The following GRID2 variants were observed in gnomAD, a reference collection of about 807,000 sequenced individuals.
The protein encoded by GRID2 is glutamate receptor ionotropic, delta-2.
GRID2 carries 33 observed loss-of-function variants against 114.8 expected under a neutral mutation model. That is an observed-to-expected ratio of 0.29 (90% CI 0.22 to 0.38). The LOEUF (loss-of-function observed/expected upper bound fraction) is 0.38. Ranked by LOEUF, GRID2 falls within the 10% of genes least tolerant of loss-of-function variation. The pLI, the probability that GRID2 is intolerant of heterozygous loss-of-function variation, is 1.00. For synonymous variants in GRID2, 505 were observed against 449.9 expected (o/e 1.12, Z -1.55); for missense variants, 1,184 against 1,257.7 (o/e 0.94, Z 0.89).
intron 1 of GRID2, among the ~76,000 whole-genome samples, chr4:92,501,429 A>G (rs1274135692): frequency 6.6e-6 from 1 of 152,202 alleles, no homozygotes; most frequent in Non-Finnish European, 1.5e-5. Flanking sequence ...CAATGTGCCC[A>G]CAAAACAGGG....
rs770149406 is a variant in GRID2 at position 92,576,766 on chromosome 4, G to A, written c.89-13365G>A. Among the ~76,000 whole-genome samples, 102 of 152,212 alleles carry A rather than the reference G, an allele frequency of 6.7e-4. 1 individual carries two copies. Among genetic ancestry groups the A allele is most frequent in the Non-Finnish European group, 1.0e-3 (71 of 68,006 alleles). ...TCCTGGGATCACACAATCACTCATC[G>A]CTTCCCTTAGCTGGTATTGGAGATC... On this transcript the variant is annotated intron_variant, in intron 1 of 15. Coordinates refer to ENST00000282020, the MANE Select transcript of GRID2 (RefSeq NM_001510.4).
chr4:93,278,348 C>G (rs1026750264), intron 8 of GRID2, among the ~76,000 whole-genome samples: 1 of 151,194 alleles, frequency 6.6e-6, no homozygotes, highest in Admixed American at 6.6e-5. Flanking sequence ...GTGAGACTGG[C>G]GCTTGAAGGC....
chr4:93,326,490 T>C (rs924715689), intron 8 of GRID2, among the ~76,000 whole-genome samples: 12 of 152,072 alleles, frequency 7.9e-5, no homozygotes, highest in African/African-American at 2.9e-4. Flanking sequence ...AATCTAAAAA[T>C]TGAGCTTTTA....
intron 2 of GRID2, among the ~76,000 whole-genome samples, chr4:92,975,973 T>G (rs1283496129): frequency 1.3e-5 from 2 of 152,138 alleles, no homozygotes; most frequent in Admixed American, 6.5e-5. Flanking sequence ...GTGTCTTTGT[T>G]GTACTCATTG....
chr4:93,313,773 C>G (rs544292055), intron 8 of GRID2, among the ~76,000 whole-genome samples: 15 of 152,066 alleles, frequency 9.9e-5, no homozygotes, highest in South Asian at 8.3e-4. Context: ...ATGCAAAGAG[C>G]GAGAGGAAAC....
chr4:93,422,632 G>A (rs1768403629), intron 9 of GRID2, 139 bp from the exon 10 acceptor site: 1 of 605,264 alleles, frequency 1.7e-6, no homozygotes, highest in Non-Finnish European at 2.9e-6. Flanking sequence ...CGTTAATAAT[G>A]CATAAGTTAT....
chr4:93,469,051 A>G (rs1237555749), intron 11 of GRID2, among the ~76,000 whole-genome samples: 1 of 152,108 alleles, frequency 6.6e-6, no homozygotes, highest in Non-Finnish European at 1.5e-5. Context: ...ATGGTTATCC[A>G]TTTTGGAACA....
intron 2 of GRID2, among the ~76,000 whole-genome samples, chr4:92,674,414 C>T (rs1168179134): frequency 6.6e-6 from 1 of 152,072 alleles, no homozygotes; most frequent in Non-Finnish European, 1.5e-5. Flanking sequence ...CTGTTAAGTC[C>T]ACCCTATAGC....
intron 8 of GRID2, among the ~76,000 whole-genome samples, chr4:93,301,349 C>T (rs1349447326): frequency 6.6e-6 from 1 of 152,120 alleles, no homozygotes; most frequent in East Asian, 1.9e-4. Context: ...GAGTAACAAG[C>T]TCCACACTGT....
rs187452404 is a variant in GRID2 at position 92,947,546 on chromosome 4, T to G, written c.245-137449T>G. On this transcript the variant is annotated intron_variant, in intron 2 of 15. Transcript: ENST00000282020. ...AACTTGCAAAGTTTCAGATTTATAT[T>G]TTTTTTTCAAAAACTGACTATATCT... is the stretch of plus-strand genomic sequence containing the variant. Among the ~76,000 whole-genome samples, 303 of 148,214 alleles carry G rather than the reference T, an allele frequency of 2.0e-3. 3 individuals carry two copies. Among genetic ancestry groups the G allele is most frequent in the African/African-American group, 7.5e-3 (290 of 38,450 alleles).
intron 1 of GRID2, among the ~76,000 whole-genome samples, chr4:92,444,678 A>C (rs780056448): frequency 6.6e-6 from 1 of 152,116 alleles, no homozygotes; most frequent in Non-Finnish European, 1.5e-5. Context: ...ATATAATGTA[A>C]AAAGGGGGCG....
At position 92,526,730 on chromosome 4, in the gene GRID2, G is replaced by GCACA. The variant is rs71300746; in HGVS notation, c.89-63384_89-63381dup. Among the ~76,000 whole-genome samples, 673 of 149,760 alleles carry GCACA rather than the reference G, an allele frequency of 4.5e-3. 4 individuals are homozygous for GCACA. The highest frequency in any genetic ancestry group is 0.03 in the East Asian group (149 of 5,028). On this transcript the variant is annotated intron_variant, in intron 1 of 15. Transcript: ENST00000282020. ...TAAACACCTATCTAATTGGCCACAT[G>GCACA]CACACACACACACACACACAAACAC...
intron 12 of GRID2, among the ~76,000 whole-genome samples, chr4:93,503,956 A>G (rs1728385760): frequency 6.6e-6 from 1 of 152,088 alleles, no homozygotes; most frequent in African/African-American, 2.4e-5. Context: ...TGTGTTATAA[A>G]GAGCCAGGAT....
chr4:92,518,637 G>T (rs2149137677), intron 1 of GRID2, among the ~76,000 whole-genome samples: 1 of 151,516 alleles, frequency 6.6e-6, no homozygotes, highest in East Asian at 2.0e-4. Context: ...CACAACAATG[G>T]GAATACACTT....
At chr4:93,473,113 A>G (rs1725001133) in intron 11 of GRID2, among the ~76,000 whole-genome samples, 1 of 152,170 alleles carries the variant, frequency 6.6e-6, no homozygotes, top group Admixed American at 6.5e-5. Flanking sequence ...TTTTCCTGTA[A>G]CATTATTTAC....
intron 2 of GRID2, among the ~76,000 whole-genome samples, chr4:92,772,732 AT>A: frequency 6.6e-6 from 1 of 152,066 alleles, no homozygotes; most frequent in East Asian, 1.9e-4. Flanking sequence ...ACTGAACTCC[AT>A]TTTCCCACAT....
At chr4:93,657,344 A>G (rs990382703) in intron 14 of GRID2, among the ~76,000 whole-genome samples, 2 of 152,142 alleles carry the variant, frequency 1.3e-5, no homozygotes. Flanking sequence ...ACATATTTTA[A>G]CAAATAAGGA....
At chr4:93,249,884 T>TA (rs1168488322) in intron 8 of GRID2, among the ~76,000 whole-genome samples, 2 of 152,180 alleles carry the variant, frequency 1.3e-5, no homozygotes, top group Non-Finnish European at 2.9e-5. Flanking sequence ...GGAATGCTTT[T>TA]ACACTGTTGG....
intron 2 of GRID2, among the ~76,000 whole-genome samples, chr4:93,023,369 T>C (rs1270746670): frequency 2.0e-5 from 3 of 151,954 alleles, no homozygotes; most frequent in African/African-American, 7.2e-5. Flanking sequence ...CTGTTAAAGA[T>C]ACACAATAGA....
Sources: gnomAD v4.1 joint callset for allele counts (sites outside exome capture counted in the v4.1 genomes callset) on GRCh38, gnomAD v4.1.1 for gene constraint, MANE v1.5 for transcripts, NCBI Gene and HGNC (gene_info 2026-07-23, HGNC 2026-07-21) for gene names.